BAHD1: variants seen among roughly 807,000 people sequenced by gnomAD.
BAHD1 encodes the protein bromo adjacent homology domain-containing 1 protein.
In BAHD1, 20 loss-of-function variants were observed where a neutral mutation model predicts 63.1. The ratio of observed to expected loss-of-function variants is 0.32; its 90% CI spans 0.22 to 0.46. BAHD1 has a LOEUF of 0.46. Among genes scored for constraint, BAHD1 ranks in the 20% least tolerant of loss-of-function variants. BAHD1 has a pLI of 1.00. For missense variants in BAHD1, 939 were observed against 1,071.8 expected, an observed-to-expected ratio of 0.88 and a Z score of 1.73; for synonymous variants, 408 against 426.8, an observed-to-expected ratio of 0.96 and a Z score of 0.54.
At chr15:40,441,795 T>A (rs1595843576) in intron 1 of BAHD1, among the ~76,000 whole-genome samples, 2 of 146,944 alleles carry the variant, frequency 1.4e-5, no homozygotes, top group East Asian at 2.1e-4. Context: ...GATCGCCCGC[T>A]CAGGGTGGGG....
intron 1 of BAHD1, among the ~76,000 whole-genome samples, chr15:40,457,742 G>A (rs1286876748): frequency 6.6e-6 from 1 of 152,254 alleles, no homozygotes; most frequent in Non-Finnish European, 1.5e-5. Context: ...GGGGGCAGTG[G>A]CTCACGCCTG....
intron 3 of BAHD1, 77 bp from the exon 4 acceptor site, chr15:40,463,784 G>T: frequency 6.6e-7 from 1 of 1,511,038 alleles, no homozygotes. Context: ...ATCGTGGAAA[G>T]GATGTCATTC....
intron 5 of BAHD1, 68 bp from the exon 6 acceptor site, chr15:40,465,267 G>A: frequency 1.4e-6 from 2 of 1,434,506 alleles, no homozygotes; most frequent in Non-Finnish European, 2.0e-6. Flanking sequence ...AGGGGTTAAT[G>A]TCTGCCTTGC....
chr15:40,447,465 G>A (rs1207381415), intron 1 of BAHD1, among the ~76,000 whole-genome samples: 4 of 151,930 alleles, frequency 2.6e-5, no homozygotes, highest in African/African-American at 9.7e-5. Flanking sequence ...TACTCAGGAG[G>A]CTGAGACAGG....
At chr15:40,444,947 C>T (rs1213193410) in intron 1 of BAHD1, among the ~76,000 whole-genome samples, 1 of 151,872 alleles carries the variant, frequency 6.6e-6, no homozygotes, top group Non-Finnish European at 1.5e-5. Context: ...CAATGCAGAC[C>T]GCTCCCCCGT....
At chr15:40,459,955 G>A in intron 2 of BAHD1, 59 bp downstream of exon 2, 2 of 1,506,888 alleles carry the variant, frequency 1.3e-6, no homozygotes, top group African/African-American at 1.4e-5. Flanking sequence ...CATCCCAGGA[G>A]GTTGGGCTGT....
intron 1 of BAHD1, among the ~76,000 whole-genome samples, chr15:40,455,281 C>G (rs1367290084): frequency 6.6e-6 from 1 of 152,132 alleles, no homozygotes; most frequent in African/African-American, 2.4e-5. Context: ...TTCCTGGGAT[C>G]GTCAGCACCC....
At chr15:40,439,628 A>C (rs1893347629), upstream of BAHD1, 4 of 152,582 alleles carry the variant, frequency 2.6e-5, no homozygotes, top group Admixed American at 2.6e-4. Flanking sequence ...GTGACTTGAC[A>C]CTACCCTTTC....
intron 1 of BAHD1, among the ~76,000 whole-genome samples, chr15:40,446,114 T>G (rs1893533741): frequency 6.6e-6 from 1 of 152,258 alleles, no homozygotes; most frequent in Admixed American, 6.5e-5. Context: ...TCTTGGATGA[T>G]GAAATCTTGC....
chr15:40,455,966 ATGTTGT>A (rs772749789), intron 1 of BAHD1, among the ~76,000 whole-genome samples: 3 of 151,844 alleles, frequency 2.0e-5, no homozygotes, highest in African/African-American at 2.4e-5. Flanking sequence ...AAATGGGATG[ATGTTGT>A]TGTTGTTGTT....
rs372566268 is a variant in BAHD1, at chr15:40,459,327, C to A, written c.863C>A (p.Pro288His). ...GATGAACCATGGCCATCTGCAACTC[C>A]TTGTGGGCCATCCGTCCAGCCATCT... is the stretch of plus-strand genomic sequence containing the variant. The part of the protein sequence containing the change: ...CPDEPWPSAT[P>H]CGPSVQPSHQ... The change falls in exon 2 of 7, where the codon CCT becomes CAT. Residue 288 changes from proline (P) to histidine (H), a missense_variant. Physicochemically the swap from Pro to His is moderately conservative, Grantham distance 77. Transcript: ENST00000416165. 332 of 1,612,976 alleles carry A rather than the reference C, an allele frequency of 2.1e-4. No homozygotes were observed. Among genetic ancestry groups the A allele is most frequent in the Non-Finnish European group, 2.6e-4 (311 of 1,179,996 alleles).
intron 3 of BAHD1, among the ~76,000 whole-genome samples, chr15:40,463,364 C>G (rs1233958298): frequency 2.0e-5 from 3 of 152,208 alleles, no homozygotes; most frequent in African/African-American, 7.2e-5. Context: ...GATGCCAGAA[C>G]TGAGCTAAGC....
Position 40,459,512 on chromosome 15 carries a change from C to A in BAHD1, c.1048C>A (p.Pro350Thr), listed in dbSNP as rs1387157718. The change falls in exon 2 of 7, where the codon CCT (proline) becomes ACT (threonine). Residue 350 changes from proline (P) to threonine (T), a missense_variant. Physicochemically the swap from Pro to Thr is conservative, Grantham distance 38. Transcript: ENST00000416165. ...QELHQPSFPT[P>T]QLSPLPMPGN... ...ACTGCATCAGCCCTCTTTCCCCACACCTCAGCTGTCGCCGCTGCCGATGCC... is the reference window on the plus strand; with the variant it reads ...ACTGCATCAGCCCTCTTTCCCCACAACTCAGCTGTCGCCGCTGCCGATGCC... 6.2e-7 allele frequency: 1 copy of A among 1,614,126 alleles called. No homozygotes were observed.
intron 1 of BAHD1, among the ~76,000 whole-genome samples, chr15:40,457,242 G>T (rs1212804801): frequency 6.6e-6 from 1 of 152,196 alleles, no homozygotes; most frequent in East Asian, 1.9e-4. Context: ...GTGGCCTTCA[G>T]GGGTTTAAAG....
intron 3 of BAHD1, among the ~76,000 whole-genome samples, chr15:40,462,848 A>G (rs1399678231): frequency 6.6e-6 from 1 of 152,166 alleles, no homozygotes; most frequent in Non-Finnish European, 1.5e-5. Context: ...TTAGTTAGCC[A>G]GGCATGGTGG....
rs546443179 is a variant in BAHD1 at position 40,441,403 on chromosome 15, C to T, written c.-15+135C>T. On this transcript the variant is annotated intron_variant, in intron 1 of 6. Transcript: ENST00000416165. ...CCCCACCGAGCGCGCCGCGCCACCG[C>T]CCCCGCCAGCCCGGGAAGGGACGGA... 3 of 151,002 alleles carry T rather than the reference C, an allele frequency of 2.0e-5. No individual in the cohort carries two copies. The South Asian group carries it at 6.2e-4, about 31-fold the overall frequency. The allele number at this position is 151,002 out of a possible 1,614,324, so 9.4% of individuals were successfully genotyped here. A position where few individuals can be genotyped will look rare whatever the true frequency, so the allele number is the denominator to read the frequency against.
At chr15:40,457,955 G>C (rs1893897613) in intron 1 of BAHD1, among the ~76,000 whole-genome samples, 1 of 152,178 alleles carries the variant, frequency 6.6e-6, no homozygotes, top group East Asian at 1.9e-4. Context: ...GGAGCTTGCA[G>C]TGAGCCAAGA....
In BAHD1 at chr15:40,458,281, A is replaced by C. The variant is rs1893907616; in HGVS notation, c.-14-170A>C. ...GCACAGCTGCTGGTAGCTTGATTCC[A>C]CTGCCCCTTCACACTCTGGAAAGGG... On this transcript the variant is annotated intron_variant, in intron 1 of 6. Transcript: ENST00000416165. This position sits in a 1 kb window ranked among gnomAD's most constrained non-coding sequence, Gnocchi z 4.7. Among the ~76,000 whole-genome samples the C allele has an allele frequency of 6.6e-6, 1 of 152,142 alleles. No homozygotes were observed. The highest frequency in any genetic ancestry group is 1.5e-5 in the Non-Finnish European group (1 of 68,022).
At position 40,458,522 on chromosome 15, in the gene BAHD1, C is replaced by A; in HGVS notation, c.58C>A (p.Arg20=). ...PMLSSGLTGR[R]EPLQMEDSNM... ...GCTGAGTTCGGGCCTCACTGGCCGCCGAGAGCCCCTGCAGATGGAAGACAG... is the reference window on the plus strand; with the variant it reads ...GCTGAGTTCGGGCCTCACTGGCCGCAGAGAGCCCCTGCAGATGGAAGACAG... The change falls in exon 2 of 7, where the codon CGA becomes AGA. Residue 20 remains arginine (R), a synonymous_variant. Transcript: ENST00000416165. The surrounding 1 kb of genome is among the most constrained non-coding windows in gnomAD (Gnocchi z 4.7). 6.2e-7 allele frequency: 1 copy of A among 1,612,400 alleles called. No homozygotes were observed. Among genetic ancestry groups the A allele is most frequent in the Non-Finnish European group, 8.5e-7 (1 of 1,179,090 alleles).
Sources: allele counts gnomAD v4.1 joint callset (sites outside exome capture counted in the v4.1 genomes callset), GRCh38; gene constraint gnomAD v4.1.1; non-coding constraint Gnocchi (gnomAD v3.1); transcripts MANE v1.5; gene names NCBI Gene and HGNC (gene_info 2026-07-23, HGNC 2026-07-21).